CCDC85A: variants seen among roughly 807,000 people sequenced by gnomAD.
The protein encoded by CCDC85A is coiled-coil domain containing 85A.
In CCDC85A, 38 loss-of-function variants were observed where a neutral mutation model predicts 50.2. That is an observed-to-expected ratio of 0.76 (90% confidence interval 0.58 to 0.99). The LOEUF (loss-of-function observed/expected upper bound fraction) is 0.99, where lower values mean the gene tolerates loss of function less well. Ranked by LOEUF, CCDC85A falls within the 50% of genes least tolerant of loss-of-function variation. CCDC85A has a pLI of 0.00. For synonymous variants in CCDC85A, 366 were observed against 301.4 expected, an observed-to-expected ratio of 1.21 and a Z score of -2.22; for missense variants, 820 against 742.0, an observed-to-expected ratio of 1.11 and a Z score of -1.22.
chr2:56,223,780 AC>A lies in CCDC85A; in HGVS notation c.1240+30341del, dbSNP rs1668429594. Among the ~76,000 whole-genome samples, 7 of 152,262 alleles carry A rather than the reference AC, an allele frequency of 4.6e-5. No homozygotes were observed. In the Middle Eastern group the frequency reaches 0.024, roughly 518 times the overall value. ...TGTTTTTGCCCCAAAGCCTGGCCAT[AC>A]AAATACCTGGAATGGCTACATTGGA... On this transcript the variant is annotated intron_variant, in intron 2 of 5. Transcript: ENST00000407595.
chr2:56,378,887 A>G (rs1676459797), intron 5 of CCDC85A, among the ~76,000 whole-genome samples: 1 of 152,210 alleles, frequency 6.6e-6, no homozygotes, highest in Admixed American at 6.5e-5. Context: ...TAGGGAGAGC[A>G]TTAGTTTTTT....
intron 2 of CCDC85A, among the ~76,000 whole-genome samples, chr2:56,242,650 G>A (rs964743311): frequency 3.3e-5 from 5 of 152,076 alleles, no homozygotes; most frequent in African/African-American, 1.2e-4. Context: ...AAATTTGAGT[G>A]GGGACAAATA....
chr2:56,286,284 G>A (rs1197223043), intron 2 of CCDC85A, among the ~76,000 whole-genome samples: 1 of 152,064 alleles, frequency 6.6e-6, no homozygotes, highest in Non-Finnish European at 1.5e-5. Flanking sequence ...AAAATATTCA[G>A]CTAGTATTTC....
rs1676192362 is a variant in CCDC85A at position 56,189,297 on chromosome 2, G to GGTTTTTTTT, written c.277-3180_277-3179insGTTTTTTTT. ...AAAACATGCACGGGGTATTTTTGGT[G>GGTTTTTTTT]TTTTTTTTTTTTTTTGAGACAAGGT... On this transcript the variant is annotated intron_variant, in intron 1 of 5. Coordinates refer to ENST00000407595, the MANE Select transcript of CCDC85A (RefSeq NM_001080433.2). Among the ~76,000 whole-genome samples, 4 of 121,958 alleles carry GGTTTTTTTT rather than the reference G, an allele frequency of 3.3e-5. 1 individual carries two copies. Among genetic ancestry groups the GGTTTTTTTT allele is most frequent in the South Asian group, 5.3e-4 (2 of 3,788 alleles). 80.0% of individuals were successfully genotyped at this position (121,958 alleles called of 152,430 possible).
chr2:56,207,787 G>T (rs1399393254), intron 2 of CCDC85A, among the ~76,000 whole-genome samples: 1 of 152,098 alleles, frequency 6.6e-6, no homozygotes, highest in East Asian at 1.9e-4. Flanking sequence ...CCAAGCTTTT[G>T]CTGTTTTCTA....
At chr2:56,288,562 T>C (rs1039943929) in intron 2 of CCDC85A, among the ~76,000 whole-genome samples, 1 of 152,102 alleles carries the variant, frequency 6.6e-6, no homozygotes, top group African/African-American at 2.4e-5. Context: ...GTGTGAGACA[T>C]AATTATGTTT....
chr2:56,370,609 G>A (rs147622839), intron 3 of CCDC85A, among the ~76,000 whole-genome samples: 6 of 152,152 alleles, frequency 3.9e-5, no homozygotes, highest in East Asian at 1.9e-4. Context: ...AATACTTAAA[G>A]TATAGCTATT....
intron 3 of CCDC85A, among the ~76,000 whole-genome samples, chr2:56,364,509 ACT>A (rs1302467578): frequency 2.6e-5 from 4 of 152,190 alleles, no homozygotes; most frequent in African/African-American, 9.6e-5. Flanking sequence ...TGTTTTGCAA[ACT>A]CTCTTATTTC....
intron 2 of CCDC85A, 111 bp from the exon 3 acceptor site, chr2:56,342,768 A>T: frequency 1.7e-6 from 1 of 573,108 alleles, no homozygotes; most frequent in Non-Finnish European, 3.0e-6. Flanking sequence ...CATTTTAAAT[A>T]ACAGACTAAA....
chr2:56,213,617 C>T (rs1159334114), intron 2 of CCDC85A, among the ~76,000 whole-genome samples: 2 of 151,858 alleles, frequency 1.3e-5, no homozygotes, highest in Non-Finnish European at 2.9e-5. Context: ...TCCCCGGGCT[C>T]TAGGATCTAG....
chr2:56,343,034 G>T (rs1674453647), intron 3 of CCDC85A, 79 bp downstream of exon 3: 1 of 995,224 alleles, frequency 1.0e-6, no homozygotes, highest in Admixed American at 2.2e-5. Context: ...AAAGCTCAAT[G>T]ACGTTTTGTC....
chr2:56,228,699 A>G (rs1208186277), intron 2 of CCDC85A, among the ~76,000 whole-genome samples: 1 of 151,638 alleles, frequency 6.6e-6, no homozygotes, highest in Non-Finnish European at 1.5e-5. Flanking sequence ...TGCCTGGCTA[A>G]TTTTTTTGTG....
chr2:56,352,237 C>G (rs953081442), intron 3 of CCDC85A, among the ~76,000 whole-genome samples: 2 of 152,114 alleles, frequency 1.3e-5, no homozygotes, highest in Non-Finnish European at 2.9e-5. Context: ...TATGCAATAT[C>G]TATATTGCCT....
chr2:56,235,112 T>A (rs1324438447), intron 2 of CCDC85A: 1 of 152,190 alleles, frequency 6.6e-6, no homozygotes, highest in Non-Finnish European at 1.5e-5. Flanking sequence ...AAATGCCTTC[T>A]TCAGTGATGT....
At chr2:56,337,506 T>C (rs2104308430) in intron 2 of CCDC85A, among the ~76,000 whole-genome samples, 1 of 152,310 alleles carries the variant, frequency 6.6e-6, no homozygotes, top group South Asian at 2.1e-4. Flanking sequence ...CCCTTTCTTT[T>C]CCGTCATGTG....
chr2:56,355,173 C>T (rs1162493710), intron 3 of CCDC85A, among the ~76,000 whole-genome samples: 1 of 152,146 alleles, frequency 6.6e-6, no homozygotes, highest in African/African-American at 2.4e-5. Flanking sequence ...GATTGGAGCT[C>T]CCGAGTTTTC....
intron 2 of CCDC85A, among the ~76,000 whole-genome samples, chr2:56,259,899 C>T (rs1670147795): frequency 6.6e-6 from 1 of 152,150 alleles, no homozygotes; most frequent in South Asian, 2.1e-4. Flanking sequence ...ATCTTAAGGG[C>T]CAGGTTGATA....
rs868532462 is a variant in CCDC85A, at chr2:56,226,546, A to G, written c.1240+33106A>G. Among the ~76,000 whole-genome samples, 13 of 152,104 alleles carry G rather than the reference A, an allele frequency of 8.5e-5. No individual in the cohort carries two copies. In the South Asian group the frequency reaches 1.5e-3, roughly 17 times the overall value. ...CCTTTTAAACCTCCTTTCAACTAAA[A>G]CTGCATGATTCTTTGCAAATGAACT... On this transcript the variant is annotated intron_variant, in intron 2 of 5. Transcript: ENST00000407595.
At chr2:56,259,147 G>A (rs902171077) in intron 2 of CCDC85A, among the ~76,000 whole-genome samples, 1 of 152,198 alleles carries the variant, frequency 6.6e-6, no homozygotes. Flanking sequence ...CATGTACTAA[G>A]GATGGAAAGA....
Sources: gnomAD v4.1 joint callset for allele counts (sites outside exome capture counted in the v4.1 genomes callset) on GRCh38, gnomAD v4.1.1 for gene constraint, MANE v1.5 for transcripts, NCBI Gene and HGNC (gene_info 2026-07-23, HGNC 2026-07-21) for gene names.